DIAPH3: variants seen among roughly 807,000 people sequenced by gnomAD.
DIAPH3 encodes diaphanous related formin 3.
Under a neutral mutation model 144.3 loss-of-function variants are expected in DIAPH3, and 117 were observed. The observed-to-expected ratio is 0.81, with a 90% CI of 0.70 to 0.95. The LOEUF (loss-of-function observed/expected upper bound fraction) is 0.95. Among genes scored for constraint, DIAPH3 ranks in the 40% least tolerant of loss-of-function variants. The pLI is 0.00. For missense variants in DIAPH3, 1,421 were observed against 1,412.7 expected, an observed-to-expected ratio of 1.01 and a Z score of -0.09; for synonymous variants, 519 against 488.9, an observed-to-expected ratio of 1.06 and a Z score of -0.81.
At chr13:59,939,835 CGTGT>C (rs3220859) in intron 17 of DIAPH3, among the ~76,000 whole-genome samples, 42,203 of 146,508 alleles carry the variant, frequency 0.29, 6,345 homozygotes, top group African/African-American at 0.4. Context: ...GAGAATGAGG[CGTGT>C]GTGTGTGTGT....
intron 27 of DIAPH3, among the ~76,000 whole-genome samples, chr13:59,717,610 T>C (rs554713634): frequency 6.6e-6 from 1 of 152,362 alleles, no homozygotes; most frequent in East Asian, 1.9e-4. Flanking sequence ...ACAAATATTG[T>C]ATTTAAAGAA....
At chr13:60,103,162 G>A (rs1481651462) in intron 3 of DIAPH3, among the ~76,000 whole-genome samples, 1 of 151,900 alleles carries the variant, frequency 6.6e-6, no homozygotes. Context: ...ACCGAGGTGG[G>A]GGGGAAATAT....
Position 59,992,505 on chromosome 13 carries a change from A to G in DIAPH3, c.1093T>C (p.Phe365Leu). 1 of 1,612,200 alleles carries G rather than the reference A, an allele frequency of 6.2e-7. No individual in the cohort carries two copies. The highest frequency in any genetic ancestry group is 8.5e-7 in the Non-Finnish European group (1 of 1,179,092). ...ATCTCTTTCAATCCACAACGCATAA[A>G]TTCATTTCTGATGTGAAGCCTGAAA... ...LDFRLHIRNE[F>L]MRCGLKEILP... The change falls in exon 10 of 28, where the codon TTT (phenylalanine) becomes CTT (leucine). Residue 365 changes from phenylalanine to leucine, a missense_variant. Coordinates refer to ENST00000400324, the MANE Select transcript of DIAPH3 (RefSeq NM_001042517.2).
intron 24 of DIAPH3, among the ~76,000 whole-genome samples, chr13:59,811,962 G>C (rs1406654000): frequency 6.6e-6 from 1 of 152,028 alleles, no homozygotes; most frequent in African/African-American, 2.4e-5. Flanking sequence ...CCAACAAAGA[G>C]AGTAACATTA....
chr13:60,005,905 A>C (rs1401595861), intron 9 of DIAPH3, among the ~76,000 whole-genome samples: 1 of 152,178 alleles, frequency 6.6e-6, no homozygotes, highest in African/African-American at 2.4e-5. Flanking sequence ...ATATTTATTT[A>C]AGTCTTAATA....
chr13:59,943,418 C>A lies in DIAPH3; in HGVS notation c.2075-18548G>T, dbSNP rs76985550. ...GAAGGACGAACACAGACACACAGGA[C>A]CAAGAAAGCCCTGTTAGAACAATAA... On this transcript the variant is annotated intron_variant, in intron 17 of 27. Transcript: ENST00000400324. Among the ~76,000 whole-genome samples, 589 of 152,236 alleles carry A rather than the reference C, an allele frequency of 3.9e-3. 3 individuals are homozygous for A. Among genetic ancestry groups the A allele is most frequent in the Middle Eastern group, 0.01 (3 of 294 alleles).
chr13:59,917,485 C>T (rs1208882298), intron 18 of DIAPH3, among the ~76,000 whole-genome samples: 6 of 152,178 alleles, frequency 3.9e-5, no homozygotes, highest in Non-Finnish European at 7.4e-5. Context: ...CCAACACACA[C>T]AGTTCTGAAC....
intron 27 of DIAPH3, among the ~76,000 whole-genome samples, chr13:59,737,915 C>T (rs1022410065): frequency 6.6e-6 from 1 of 152,012 alleles, no homozygotes; most frequent in African/African-American, 2.4e-5. Flanking sequence ...GGCTATAATC[C>T]CAGCACTTTG....
chr13:60,012,027 CAG>C (rs1395736592), intron 7 of DIAPH3, among the ~76,000 whole-genome samples: 37 of 152,114 alleles, frequency 2.4e-4, no homozygotes, highest in South Asian at 4.2e-4. Context: ...ACTGACTAAT[CAG>C]AGTTACTACC....
chr13:60,152,845 T>C (rs1174832235), intron 1 of DIAPH3, among the ~76,000 whole-genome samples: 1 of 152,072 alleles, frequency 6.6e-6, no homozygotes, highest in African/African-American at 2.4e-5. Context: ...TAATCACTTT[T>C]ACCTCATCAC....
At chr13:59,892,201 G>T (rs968392981) in intron 20 of DIAPH3, among the ~76,000 whole-genome samples, 2 of 151,828 alleles carry the variant, frequency 1.3e-5, no homozygotes. Context: ...ATGATGGGGG[G>T]CAGCATCATT....
intron 21 of DIAPH3, among the ~76,000 whole-genome samples, chr13:59,869,872 A>T (rs2044151909): frequency 6.6e-6 from 1 of 152,010 alleles, no homozygotes; most frequent in South Asian, 2.1e-4. Context: ...GTTTTTGTAC[A>T]TTTTAGATAA....
intron 24 of DIAPH3, among the ~76,000 whole-genome samples, chr13:59,812,925 T>C (rs541005497): frequency 6.6e-6 from 1 of 152,250 alleles, no homozygotes; most frequent in Non-Finnish European, 1.5e-5. Flanking sequence ...ATTTGCATAA[T>C]GAACAGAAGA....
chr13:59,769,381 T>G (rs915422922), intron 27 of DIAPH3, among the ~76,000 whole-genome samples: 1 of 152,156 alleles, frequency 6.6e-6, no homozygotes, highest in African/African-American at 2.4e-5. Flanking sequence ...ATCTCTTTTC[T>G]GCTTCTCCTT....
At chr13:59,983,139 T>A (rs1398863) in intron 13 of DIAPH3, among the ~76,000 whole-genome samples, 29,498 of 104,586 alleles carry the variant, frequency 0.28, 4,762 homozygotes, top group South Asian at 0.45. Flanking sequence ...GCTTTATCTT[T>A]AAAAAAAAAA....
At position 59,939,835 on chromosome 13, in the gene DIAPH3, CGTGTGTGT is replaced by C. The variant is rs3220859; in HGVS notation, c.2075-14973_2075-14966del. 1.1e-3 allele frequency among the ~76,000 whole-genome samples: 162 copies of C among 146,598 alleles called. 2 individuals are homozygous for C. The highest frequency in any genetic ancestry group is 1.2e-3 in the Admixed American group (17 of 14,628). The stretch of plus-strand genomic sequence containing the variant: ...ATATGTATCTACAGGGAGAATGAGG[CGTGTGTGT>C]GTGTGTGTGTGTGTGTGTGTGTGTG... On this transcript the variant is annotated intron_variant, in intron 17 of 27. Transcript: ENST00000400324.
chr13:59,825,992 A>T (rs1478454581), intron 24 of DIAPH3, among the ~76,000 whole-genome samples: 1 of 152,170 alleles, frequency 6.6e-6, no homozygotes, highest in African/African-American at 2.4e-5. Flanking sequence ...CCTTCATGCT[A>T]AAAACTCTCA....
At chr13:59,943,359 A>G (rs1321957296) in intron 17 of DIAPH3, among the ~76,000 whole-genome samples, 1 of 152,144 alleles carries the variant, frequency 6.6e-6, no homozygotes, top group East Asian at 1.9e-4. Flanking sequence ...CTGCTTCTAG[A>G]CCACTGTTAC....
At chr13:59,940,920 C>T (rs373887134) in intron 17 of DIAPH3, among the ~76,000 whole-genome samples, 5 of 152,022 alleles carry the variant, frequency 3.3e-5, no homozygotes, top group Non-Finnish European at 7.4e-5. Context: ...TTCATTCTAC[C>T]CTGCAGAGAA....
Sources: allele counts gnomAD v4.1 joint callset (sites outside exome capture counted in the v4.1 genomes callset), GRCh38; gene constraint gnomAD v4.1.1; transcripts MANE v1.5; gene names NCBI Gene and HGNC (gene_info 2026-07-23, HGNC 2026-07-21).